The following PIR variants were observed in gnomAD, a reference collection of about 807,000 sequenced individuals.
PIR encodes pirin.
A neutral mutation model predicts 24.2 loss-of-function variants in PIR; 22 were observed. The observed-to-expected ratio is 0.91, with a 90% CI of 0.65 to 1.30. The LOEUF (loss-of-function observed/expected upper bound fraction) is 1.30. Among genes scored for constraint, PIR ranks in the 50% most tolerant of loss-of-function variants. The pLI, the probability that PIR is intolerant of heterozygous loss-of-function variation, is 0.00. For synonymous variants in PIR, 80 were observed against 79.6 expected (o/e 1.00, Z -0.03); for missense variants, 220 against 220.3 (o/e 1.00, Z 0.01).
chrX:15,423,157 C>T (rs1925192792), intron 6 of PIR, among the ~76,000 whole-genome samples: 1 of 111,849 alleles, frequency 8.9e-6, no homozygotes. Flanking sequence ...AATTTAAGAC[C>T]TCAAAATATG....
intron 5 of PIR, among the ~76,000 whole-genome samples, chrX:15,434,038 A>G (rs1462077680): frequency 9.1e-5 from 5 of 54,651 alleles, no homozygotes; most frequent in African/African-American, 1.5e-4. Context: ...AGGAGGAGGA[A>G]GGAGAAAGAA....
chrX:15,431,203 A>C (rs781313394), intron 5 of PIR, among the ~76,000 whole-genome samples: 6 of 111,921 alleles, frequency 5.4e-5, no homozygotes, highest in African/African-American at 1.3e-4. Flanking sequence ...CAGTGTTTCT[A>C]CTTGTTCCTA....
intron 7 of PIR, among the ~76,000 whole-genome samples, chrX:15,402,621 T>C (rs1294540918): frequency 1.8e-5 from 2 of 111,312 alleles, no homozygotes; most frequent in Non-Finnish European, 1.9e-5. Context: ...TTATTCATTC[T>C]TTCTATTTTT....
chrX:15,386,986 G>C (rs1168279717), intron 9 of PIR, among the ~76,000 whole-genome samples: 1 of 108,880 alleles, frequency 9.2e-6, no homozygotes, highest in Non-Finnish European at 1.9e-5. Flanking sequence ...AATTGTTAAG[G>C]GTATTTGAGA....
In PIR at chrX:15,400,749, A is replaced by ATTTATT. The variant is rs1555953079; in HGVS notation, c.611-3219_611-3218insAATAAA. Among the ~76,000 whole-genome samples the ATTTATT allele has an allele frequency of 5.9e-3, 616 of 104,139 alleles. 2 individuals are homozygous for ATTTATT. The highest frequency in any genetic ancestry group is 0.016 in the African/African-American group (459 of 28,822). 90.4% of individuals were successfully genotyped at this position (104,139 alleles called of 115,157 possible). ...GGTAAATATTTATTTATTTATTTAT[A>ATTTATT]TATTTATTTATTTTTGAGATGGAGT... On this transcript the variant is annotated intron_variant, in intron 7 of 9. Transcript: ENST00000380420.
At chrX:15,483,010 A>G (rs1922590743) in intron 2 of PIR, among the ~76,000 whole-genome samples, 1 of 110,096 alleles carries the variant, frequency 9.1e-6, no homozygotes, top group African/African-American at 3.3e-5. Flanking sequence ...TTGGCAGCTC[A>G]GCTAATTAAT....
intron 5 of PIR, among the ~76,000 whole-genome samples, chrX:15,429,211 G>GA (rs11431626): frequency 0.34 from 37,328 of 110,549 alleles, 4,981 homozygotes; most frequent in East Asian, 0.5. Flanking sequence ...ACCTCTCTAA[G>GA]TTGCAACTAC....
intron 4 of PIR, 42 bp downstream of exon 4, chrX:15,459,615 A>G: frequency 1.1e-6 from 1 of 897,786 alleles, no homozygotes; most frequent in South Asian, 2.0e-5. Flanking sequence ...CGTGCACCCA[A>G]AAACTACTAA....
Position 15,434,146 on chromosome X carries a change from AAGGAGAAAGAAGAAGG to A in PIR, c.481-8172_481-8157del, listed in dbSNP as rs1233323988. Reference sequence around the variant, plus strand: ...GGGAGGAGAAAGAAGGAGGAGGAGGAAGGAGAAAGAAGAAGGAGGAGAAAGAAGAAGGAGGAGAAGG... The same window carrying A: ...GGGAGGAGAAAGAAGGAGGAGGAGGAAGGAGAAAGAAGAAGGAGGAGAAGG... On this transcript the variant is annotated intron_variant, in intron 5 of 9. Transcript: ENST00000380420. 1.8e-4 allele frequency among the ~76,000 whole-genome samples: 17 copies of A among 91,952 alleles called. No homozygotes were observed. The East Asian group carries it at 2.7e-3, about 15-fold the overall frequency. 79.8% of individuals were successfully genotyped at this position (91,952 alleles called of 115,157 possible).
chrX:15,398,928 T>C (rs1404873252), intron 7 of PIR, among the ~76,000 whole-genome samples: 1 of 111,044 alleles, frequency 9.0e-6, no homozygotes, highest in Admixed American at 9.6e-5. Context: ...TTGGCAACAG[T>C]TGGAGAGAGA....
intron 4 of PIR, among the ~76,000 whole-genome samples, chrX:15,459,037 A>C (rs1921191787): frequency 8.9e-6 from 1 of 112,665 alleles, no homozygotes; most frequent in Admixed American, 9.4e-5. Context: ...AATCCCAGAC[A>C]GTACCTGGTA....
At chrX:15,423,330 A>T (rs1476743848) in intron 6 of PIR, among the ~76,000 whole-genome samples, 1 of 112,291 alleles carries the variant, frequency 8.9e-6, no homozygotes, top group South Asian at 3.7e-4. Context: ...AATCAATAAC[A>T]TGAGGCTGGG....
At chrX:15,433,036 C>T (rs760356313) in intron 5 of PIR, among the ~76,000 whole-genome samples, 1 of 112,436 alleles carries the variant, frequency 8.9e-6, no homozygotes, top group South Asian at 3.7e-4. Flanking sequence ...AAGACTTCAA[C>T]TTTTGCTATT....
At chrX:15,444,292 C>T (rs372735423) in intron 5 of PIR, among the ~76,000 whole-genome samples, 8 of 111,989 alleles carry the variant, frequency 7.1e-5, no homozygotes, top group Middle Eastern at 4.2e-3. Flanking sequence ...CATTAGGACG[C>T]GCTGGAGGTT....
intron 1 of PIR, among the ~76,000 whole-genome samples, chrX:15,492,022 A>G (rs1482015117): frequency 9.2e-6 from 1 of 108,803 alleles, no homozygotes; most frequent in Non-Finnish European, 1.9e-5. Flanking sequence ...AATTCTCTCG[A>G]TCTCCCACCC....
chrX:15,386,052 T>C (rs942188463), intron 9 of PIR, among the ~76,000 whole-genome samples: 7 of 111,955 alleles, frequency 6.3e-5, no homozygotes, highest in African/African-American at 2.3e-4. Flanking sequence ...GGCCAGCTTT[T>C]ATATGGCATT....
chrX:15,432,994 T>C (rs1925559981), intron 5 of PIR, among the ~76,000 whole-genome samples: 1 of 112,331 alleles, frequency 8.9e-6, no homozygotes, highest in African/African-American at 3.2e-5. Context: ...AACAAGTTGT[T>C]TGCTGTCAAG....
intron 7 of PIR, among the ~76,000 whole-genome samples, chrX:15,398,394 CA>C (rs1924251184): frequency 9.0e-6 from 1 of 111,274 alleles, no homozygotes; most frequent in Admixed American, 9.6e-5. Flanking sequence ...AATAAGAGAA[CA>C]GGGGTGATGG....
Position 15,431,150 on chromosome X carries a change from T to C in PIR, c.481-5160A>G, listed in dbSNP as rs1426132813. Among the ~76,000 whole-genome samples, 4 of 111,780 alleles carry C rather than the reference T, an allele frequency of 3.6e-5. No homozygotes were observed. The East Asian group carries it at 8.4e-4, about 23-fold the overall frequency. Reference sequence around the variant, plus strand: ...TTAAGGAAATTACTCTAAGTAACCATATTAATGAGTGCCAATCCCCAATAT... The same window carrying C: ...TTAAGGAAATTACTCTAAGTAACCACATTAATGAGTGCCAATCCCCAATAT... On this transcript the variant is annotated intron_variant, in intron 5 of 9. Coordinates refer to ENST00000380420, the MANE Select transcript of PIR (RefSeq NM_001018109.3).
Sources: gnomAD v4.1 joint callset for allele counts (sites outside exome capture counted in the v4.1 genomes callset) on GRCh38, gnomAD v4.1.1 for gene constraint, MANE v1.5 for transcripts, NCBI Gene and HGNC (gene_info 2026-07-23, HGNC 2026-07-21) for gene names.